Variants in CFAP299 observed in about 807,000 individuals in gnomAD.
CFAP299 encodes the protein cilia- and flagella-associated protein 299.
CFAP299 carries 21 observed loss-of-function variants against 27.0 expected under a neutral mutation model. The ratio of observed to expected loss-of-function variants is 0.78; its 90% CI spans 0.55 to 1.12. The LOEUF is 1.12. Among genes scored for constraint, CFAP299 ranks in the 50% most tolerant of loss-of-function variants. The pLI is 0.00. For synonymous variants in CFAP299, 104 were observed against 98.1 expected (o/e 1.06, Z -0.36); for missense variants, 310 against 276.6 (o/e 1.12, Z -0.86).
At chr4:80,637,685 T>C (rs1739517576) in intron 3 of CFAP299, among the ~76,000 whole-genome samples, 1 of 152,196 alleles carries the variant, frequency 6.6e-6, no homozygotes, top group African/African-American at 2.4e-5. Context: ...TAAGGTAGTC[T>C]CATTCCATAG....
At chr4:80,696,306 AAAAG>A (rs200533240) in intron 3 of CFAP299, among the ~76,000 whole-genome samples, 10,945 of 151,152 alleles carry the variant, frequency 0.072, 564 homozygotes, top group East Asian at 0.21. Flanking sequence ...AAAAAAAAAA[AAAAG>A]AAGAAGTAGA....
intron 2 of CFAP299, among the ~76,000 whole-genome samples, chr4:80,434,757 T>A (rs778737977): frequency 8.5e-5 from 13 of 152,210 alleles, no homozygotes; most frequent in South Asian, 2.1e-4. Context: ...TGTGATGTAT[T>A]ATATTTAGCA....
At chr4:80,473,963 C>A (rs916867960) in intron 2 of CFAP299, among the ~76,000 whole-genome samples, 30 of 152,178 alleles carry the variant, frequency 2.0e-4, no homozygotes, top group Admixed American at 1.0e-3. Context: ...TCACATAATT[C>A]TTTTGGGTAT....
chr4:80,515,496 A>G (rs1166605248), intron 2 of CFAP299, among the ~76,000 whole-genome samples: 2 of 152,168 alleles, frequency 1.3e-5, no homozygotes, highest in Non-Finnish European at 2.9e-5. Flanking sequence ...AAGTCTTTGA[A>G]ATGTTTGCAT....
intron 2 of CFAP299, among the ~76,000 whole-genome samples, chr4:80,392,880 A>G (rs919170293): frequency 4.6e-5 from 7 of 152,198 alleles, no homozygotes; most frequent in Non-Finnish European, 7.3e-5. Flanking sequence ...TCATTATTTT[A>G]AAGTGCACTC....
intron 3 of CFAP299, among the ~76,000 whole-genome samples, chr4:80,825,889 C>G (rs1319816509): frequency 1.3e-5 from 2 of 151,766 alleles, no homozygotes; most frequent in Non-Finnish European, 2.9e-5. Context: ...CACTTTTTGT[C>G]TACATTAAAG....
intron 4 of CFAP299, among the ~76,000 whole-genome samples, chr4:80,914,840 C>T (rs1236190997): frequency 1.3e-5 from 2 of 152,032 alleles, no homozygotes; most frequent in African/African-American, 4.8e-5. Flanking sequence ...CTTTTGATGC[C>T]TGATATGAAT....
chr4:80,867,629 C>T (rs904543921), intron 3 of CFAP299, among the ~76,000 whole-genome samples: 1 of 152,160 alleles, frequency 6.6e-6, no homozygotes, highest in Non-Finnish European at 1.5e-5. Context: ...TTGCAGATGG[C>T]CATCTTCTTG....
intron 3 of CFAP299, among the ~76,000 whole-genome samples, chr4:80,858,774 T>C (rs1327228618): frequency 2.6e-5 from 4 of 152,142 alleles, no homozygotes; most frequent in Non-Finnish European, 5.9e-5. Flanking sequence ...GTCTGAGAGA[T>C]AGTTTGTTAT....
chr4:80,412,188 T>C (rs1050042252), intron 2 of CFAP299, among the ~76,000 whole-genome samples: 1 of 152,168 alleles, frequency 6.6e-6, no homozygotes, highest in Non-Finnish European at 1.5e-5. Context: ...ACCACTTGCC[T>C]ATCCAAACTT....
intron 3 of CFAP299, among the ~76,000 whole-genome samples, chr4:80,837,861 G>A (rs1165015480): frequency 6.6e-6 from 1 of 152,070 alleles, no homozygotes; most frequent in Non-Finnish European, 1.5e-5. Flanking sequence ...CTTCCACAAT[G>A]GTTAAACTAA....
chr4:80,376,334 G>A (rs918585374), intron 2 of CFAP299, among the ~76,000 whole-genome samples: 3 of 151,720 alleles, frequency 2.0e-5, no homozygotes, highest in African/African-American at 7.3e-5. Flanking sequence ...TAATTGGGCT[G>A]TTTCTAGTTT....
intron 2 of CFAP299, among the ~76,000 whole-genome samples, chr4:80,465,922 A>G (rs528773441): frequency 6.6e-6 from 1 of 152,320 alleles, no homozygotes; most frequent in Admixed American, 6.5e-5. Context: ...AACATTCACA[A>G]CCCTGAGGAT....
chr4:80,431,966 C>T (rs1727837918), intron 2 of CFAP299, among the ~76,000 whole-genome samples: 1 of 152,130 alleles, frequency 6.6e-6, no homozygotes, highest in Non-Finnish European at 1.5e-5. Flanking sequence ...AATTCATTGT[C>T]AGCTCTATAA....
At chr4:80,522,482 G>A (rs547149297) in intron 2 of CFAP299, among the ~76,000 whole-genome samples, 1 of 152,100 alleles carries the variant, frequency 6.6e-6, no homozygotes, top group South Asian at 2.1e-4. Flanking sequence ...GGTTCCCTTG[G>A]CTGCACAGAA....
rs562383288 is a variant in CFAP299 at position 80,404,273 on chromosome 4, G to T, written c.242+41389G>T. Reference sequence around the variant, plus strand: ...ACAATATAATTCCTATTTTTTATTTGTGATAAAGTACACATGTAACATTAA... The same window carrying T: ...ACAATATAATTCCTATTTTTTATTTTTGATAAAGTACACATGTAACATTAA... On this transcript the variant is annotated intron_variant, in intron 2 of 5. Coordinates refer to ENST00000358105, the MANE Select transcript of CFAP299 (RefSeq NM_152770.3). 2.0e-5 allele frequency among the ~76,000 whole-genome samples: 3 copies of T among 151,736 alleles called. No individual in the cohort carries two copies. The East Asian group carries it at 5.8e-4, about 29-fold the overall frequency.
intron 3 of CFAP299, among the ~76,000 whole-genome samples, chr4:80,635,367 C>T (rs540842369): frequency 4.6e-5 from 7 of 152,232 alleles, no homozygotes; most frequent in Non-Finnish European, 5.9e-5. Flanking sequence ...CTTCCTATCA[C>T]AAATTAGATT....
intron 3 of CFAP299, among the ~76,000 whole-genome samples, chr4:80,693,598 A>G (rs939830891): frequency 6.6e-6 from 1 of 151,342 alleles, no homozygotes; most frequent in African/African-American, 2.4e-5. Flanking sequence ...CTAATGCTAG[A>G]TTACGAATTA....
At chr4:80,791,637 T>C (rs1289854868) in intron 3 of CFAP299, among the ~76,000 whole-genome samples, 3 of 152,052 alleles carry the variant, frequency 2.0e-5, no homozygotes, top group Non-Finnish European at 2.9e-5. Flanking sequence ...AAATTCATAC[T>C]GCTTTAACAT....
Sources: allele counts gnomAD v4.1 joint callset (sites outside exome capture counted in the v4.1 genomes callset), GRCh38; gene constraint gnomAD v4.1.1; transcripts MANE v1.5; gene names NCBI Gene and HGNC (gene_info 2026-07-23, HGNC 2026-07-21).